Variants in COPZ1 observed in about 807,000 individuals in gnomAD.
COPZ1 encodes coatomer subunit zeta-1.
In COPZ1, 4 loss-of-function variants were observed where a neutral mutation model predicts 31.7. The observed-to-expected ratio is 0.13, with a 90% confidence interval of 0.06 to 0.29. The LOEUF (loss-of-function observed/expected upper bound fraction) is 0.29, where lower values mean the gene tolerates loss of function less well. Among genes scored for constraint, COPZ1 ranks in the 10% least tolerant of loss-of-function variants. The pLI, the probability that COPZ1 is intolerant of heterozygous loss-of-function variation, is 1.00. For missense variants in COPZ1, 156 were observed against 211.5 expected (o/e 0.74, Z 1.63); for synonymous variants, 74 against 79.0 (o/e 0.94, Z 0.33).
chr12:54,339,386 C>T (rs1391035521), intron 1 of COPZ1, among the ~76,000 whole-genome samples: 1 of 152,050 alleles, frequency 6.6e-6, no homozygotes, highest in Non-Finnish European at 1.5e-5. Context: ...TTCACTCTGT[C>T]ACCCAGCCTG....
intron 4 of COPZ1, 118 bp downstream of exon 4, chr12:54,343,434 A>G: frequency 2.5e-6 from 2 of 807,286 alleles, no homozygotes; most frequent in Admixed American, 2.2e-5. Flanking sequence ...TGACCAAGCT[A>G]ATGAAGTTGT....
chr12:54,342,309 A>G, intron 3 of COPZ1, 22 bp downstream of exon 3: 3 of 1,570,216 alleles, frequency 1.9e-6, no homozygotes, highest in Non-Finnish European at 2.6e-6. Context: ...TCCTTTCACT[A>G]CTACCCGTGC....
At chr12:54,349,597 A>G (rs751905579) in intron 7 of COPZ1, 23 bp from the exon 8 acceptor site, 2 of 1,605,272 alleles carry the variant, frequency 1.2e-6, no homozygotes, top group South Asian at 2.2e-5. Context: ...CCCACACTAA[A>G]TGCTTGTATC....
intron 1 of COPZ1, chr12:54,337,067 C>T (rs570215978): frequency 5.5e-6 from 2 of 366,180 alleles, no homozygotes; most frequent in Non-Finnish European, 1.1e-5. Flanking sequence ...ATCAAAGATT[C>T]ATTTGCAGCA....
intron 5 of COPZ1, chr12:54,346,775 G>A: frequency 1.6e-6 from 1 of 631,382 alleles, no homozygotes; most frequent in Admixed American, 2.2e-5. Context: ...AAGATTGCTT[G>A]AGCCCAGGAG....
intron 1 of COPZ1, among the ~76,000 whole-genome samples, chr12:54,332,031 AATCCT>A (rs1953764970): frequency 6.6e-6 from 1 of 152,060 alleles, no homozygotes; most frequent in Non-Finnish European, 1.5e-5. Flanking sequence ...CTGGGTAAAA[AATCCT>A]CCAGCAAGGC....
intron 1 of COPZ1, among the ~76,000 whole-genome samples, chr12:54,329,921 C>T (rs993617527): frequency 6.6e-6 from 1 of 152,120 alleles, no homozygotes; most frequent in Non-Finnish European, 1.5e-5. Context: ...TGTTAAATTC[C>T]TTTGGCCCTA....
intron 3 of COPZ1, 58 bp downstream of exon 3, chr12:54,342,345 G>C: frequency 1.6e-6 from 2 of 1,226,702 alleles, no homozygotes; most frequent in East Asian, 2.3e-5. Flanking sequence ...TGGAAAGGGG[G>C]TGGTAACAGG....
chr12:54,351,520 G>A lies in COPZ1; in HGVS notation c.*997G>A, dbSNP rs894649589. The stretch of plus-strand genomic sequence containing the variant: ...CAAGCAGTAGGTCTGTGCTCTCCCT[G>A]TCTCTAGGTCGCTGAGAGAGGTGCT... On this transcript the variant is annotated 3_prime_UTR_variant, in exon 9 of 9. Transcript: ENST00000262061. The A allele has an allele frequency of 5.9e-5, 9 of 152,170 alleles. No homozygotes were observed. The allele number at this position is 152,170 out of a possible 1,614,324, so 9.4% of individuals were successfully genotyped here. A position where few individuals can be genotyped will look rare whatever the true frequency, so the allele number is the denominator to read the frequency against.
chr12:54,339,327 A>G (rs12230917), intron 1 of COPZ1, among the ~76,000 whole-genome samples: 20,912 of 151,174 alleles, frequency 0.14, 1,563 homozygotes, highest in East Asian at 0.21. Flanking sequence ...ACACATCACT[A>G]TCTCTCCACA....
intron 1 of COPZ1, among the ~76,000 whole-genome samples, chr12:54,325,874 C>T (rs1953624858): frequency 6.9e-6 from 1 of 144,604 alleles, no homozygotes; most frequent in South Asian, 2.2e-4. Context: ...GGAGTGCGCA[C>T]GTGGCGCGAT....
intron 5 of COPZ1, among the ~76,000 whole-genome samples, chr12:54,346,942 G>A (rs981033608): frequency 8.5e-5 from 13 of 152,096 alleles, no homozygotes; most frequent in African/African-American, 3.1e-4. Context: ...TCTGTTCTCT[G>A]TTACCCGTGT....
rs2137077374 is a variant in COPZ1, at chr12:54,325,151, G to C, written c.-13G>C. On this transcript the variant is annotated 5_prime_UTR_variant, in exon 1 of 9. Transcript: ENST00000262061. ...CTTTTGCGGCTCCACGTCGGCACCA[G>C]CTGCGGGGCAAGATGGAGGCGCTGA... The C allele has an allele frequency of 1.9e-6, 3 of 1,562,734 alleles. No homozygotes were observed. The Middle Eastern group carries it at 5.0e-4, about 262-fold the overall frequency.
intron 2 of COPZ1, among the ~76,000 whole-genome samples, chr12:54,340,987 C>T (rs1953964526): frequency 6.6e-6 from 1 of 152,158 alleles, no homozygotes; most frequent in Non-Finnish European, 1.5e-5. Context: ...GTGTGAGCCA[C>T]CACACCCGGC....
chr12:54,337,374 G>A (rs1953891855), intron 1 of COPZ1: 1 of 510,384 alleles, frequency 2.0e-6, no homozygotes, highest in Non-Finnish European at 4.0e-6. Flanking sequence ...TTTCAGTGTG[G>A]CCCTAAGCTG....
intron 1 of COPZ1, among the ~76,000 whole-genome samples, chr12:54,336,311 G>A (rs926412195): frequency 7.9e-5 from 12 of 152,130 alleles, no homozygotes; most frequent in Admixed American, 3.3e-4. Context: ...TTGGGAGGCC[G>A]AGGCGGGCGG....
chr12:54,334,393 C>T, intron 1 of COPZ1, among the ~76,000 whole-genome samples: 1 of 151,934 alleles, frequency 6.6e-6, no homozygotes, highest in Non-Finnish European at 1.5e-5. Flanking sequence ...TGCACTTCAG[C>T]CTGGGCAACA....
chr12:54,346,438 A>G (rs892704492), intron 5 of COPZ1, among the ~76,000 whole-genome samples: 2 of 151,760 alleles, frequency 1.3e-5, no homozygotes, highest in African/African-American at 2.4e-5. Flanking sequence ...ACGCCTGGCT[A>G]ATTTTTGTAT....
In COPZ1 at chr12:54,330,464, A is replaced by G. The variant is rs146443825; in HGVS notation, c.18+5283A>G. 3.3e-5 allele frequency among the ~76,000 whole-genome samples: 5 copies of G among 152,188 alleles called. 1 individual carries two copies. Among genetic ancestry groups the G allele is most frequent in the African/African-American group, 1.2e-4 (5 of 41,540 alleles). On this transcript the variant is annotated intron_variant, in intron 1 of 8. Coordinates refer to ENST00000262061, the MANE Select transcript of COPZ1 (RefSeq NM_016057.3). ...TGTTATAGATTTCCGACGTATTTAT[A>G]TATATTTTTTCCCTCTTCTTCACAG...
Sources: allele counts gnomAD v4.1 joint callset (sites outside exome capture counted in the v4.1 genomes callset), GRCh38; gene constraint gnomAD v4.1.1; transcripts MANE v1.5; gene names NCBI Gene and HGNC (gene_info 2026-07-23, HGNC 2026-07-21).